Variants in GALNT18 observed in about 807,000 individuals in gnomAD.
GALNT18 encodes the protein GalNAc-transferase 18.
GALNT18 carries 44 observed loss-of-function variants against 69.5 expected under a neutral mutation model. The observed-to-expected ratio is 0.63, with a 90% CI of 0.50 to 0.81. The LOEUF (loss-of-function observed/expected upper bound fraction) is 0.81. GALNT18 is among the 40% of genes least tolerant of loss of function. The pLI, the probability that GALNT18 is intolerant of heterozygous loss-of-function variation, is 0.00. For missense variants in GALNT18, 715 were observed against 810.0 expected (o/e 0.88, Z 1.42); for synonymous variants, 364 against 318.2 (o/e 1.14, Z -1.53).
In GALNT18 at chr11:11,318,230, C is replaced by T. The variant is rs1014367037; in HGVS notation, c.1512+8856G>A. ...AGGTGAACTGGGTTGGATTGTGTCA[C>T]CCCAAAATTCATATGTTAAAGTCCT... On this transcript the variant is annotated intron_variant, in intron 9 of 10. Coordinates refer to ENST00000227756, the MANE Select transcript of GALNT18 (RefSeq NM_198516.3). This position sits in a 1 kb window ranked among gnomAD's most constrained non-coding sequence, Gnocchi z 5.1. 6.6e-6 allele frequency among the ~76,000 whole-genome samples: 1 copy of T among 152,120 alleles called. No individual in the cohort carries two copies. The highest frequency in any genetic ancestry group is 2.4e-5 in the African/African-American group (1 of 41,400).
chr11:11,399,910 AT>A (rs1854421941), intron 3 of GALNT18, among the ~76,000 whole-genome samples: 1 of 152,238 alleles, frequency 6.6e-6, no homozygotes, highest in Non-Finnish European at 1.5e-5. Context: ...TTTTACATGC[AT>A]TATCCAATTT....
In GALNT18 at chr11:11,385,691, T is replaced by C. The variant is rs923804997; in HGVS notation, c.596-6427A>G. On this transcript the variant is annotated intron_variant, in intron 3 of 10. Coordinates refer to ENST00000227756, the MANE Select transcript of GALNT18 (RefSeq NM_198516.3). ...AGCAGGAAATGCTGTGGAGTTACCA[T>C]CTACAGAAGTAGTTGTCAATTAGGG... Among the ~76,000 whole-genome samples, 23 of 152,246 alleles carry C rather than the reference T, an allele frequency of 1.5e-4. 1 individual carries two copies. The highest frequency in any genetic ancestry group is 1.5e-3 in the South Asian group (7 of 4,816).
intron 6 of GALNT18, among the ~76,000 whole-genome samples, chr11:11,363,368 G>A (rs1850684742): frequency 6.6e-6 from 1 of 152,142 alleles, no homozygotes; most frequent in South Asian, 2.1e-4. Context: ...AACACTTCTA[G>A]ATAAGTGTGG....
chr11:11,532,088 A>AT (rs2133943413), intron 1 of GALNT18, among the ~76,000 whole-genome samples: 1 of 152,158 alleles, frequency 6.6e-6, no homozygotes, highest in Admixed American at 6.5e-5. Flanking sequence ...CAAGTGCCCC[A>AT]TTTTCTCCCA....
At chr11:11,565,095 T>G (rs1297398468) in intron 1 of GALNT18, among the ~76,000 whole-genome samples, 1 of 152,222 alleles carries the variant, frequency 6.6e-6, no homozygotes, top group African/African-American at 2.4e-5. Context: ...AACCACCAGC[T>G]CCCAGTATGT....
chr11:11,281,185 C>T (rs16909311), intron 10 of GALNT18, among the ~76,000 whole-genome samples: 4,706 of 152,218 alleles, frequency 0.031, 263 homozygotes, highest in African/African-American at 0.11. Flanking sequence ...TTGGCGTTTC[C>T]GGAGCCAGGT....
At position 11,448,731 on chromosome 11, in the gene GALNT18, T is replaced by C; in HGVS notation, c.428+13A>G. The C allele has an allele frequency of 6.2e-7, 1 of 1,602,994 alleles. No individual in the cohort carries two copies. The highest frequency in any genetic ancestry group is 8.5e-7 in the Non-Finnish European group (1 of 1,173,822). The stretch of plus-strand genomic sequence containing the variant: ...GGCAGGTCGACAAGGGCCCAGTCAC[T>C]GACTCTGCTCACCCACTGGGTCTGA... On this transcript the variant is annotated intron_variant, in intron 2 of 10. Coordinates refer to ENST00000227756, the MANE Select transcript of GALNT18 (RefSeq NM_198516.3).
intron 2 of GALNT18, among the ~76,000 whole-genome samples, chr11:11,438,004 G>C (rs541558147): frequency 1.3e-3 from 192 of 152,230 alleles, no homozygotes; most frequent in Non-Finnish European, 1.8e-3. Context: ...CTCCTCTCTC[G>C]GCTGTAGTCA....
intron 10 of GALNT18, among the ~76,000 whole-genome samples, chr11:11,279,392 C>G (rs1475491716): frequency 6.6e-6 from 1 of 152,120 alleles, no homozygotes; most frequent in African/African-American, 2.4e-5. Context: ...GCAGTACCTA[C>G]TATAGTTAAC....
At chr11:11,580,470 C>T (rs1375660938) in intron 1 of GALNT18, among the ~76,000 whole-genome samples, 5 of 152,220 alleles carry the variant, frequency 3.3e-5, no homozygotes, top group South Asian at 2.1e-4. Context: ...CCCTCCCTTC[C>T]GCATCCTGCT....
intron 8 of GALNT18, 21 bp from the exon 9 acceptor site, chr11:11,327,202 G>A (rs1382416732): frequency 4.6e-6 from 7 of 1,531,780 alleles, no homozygotes; most frequent in Non-Finnish European, 6.3e-6. Flanking sequence ...GAGAACAGAT[G>A]GCCACACCAA....
chr11:11,514,841 G>T (rs1394816739), intron 1 of GALNT18, among the ~76,000 whole-genome samples: 3 of 152,280 alleles, frequency 2.0e-5, no homozygotes. Flanking sequence ...CCAAGAGTGA[G>T]GGCAAGTGAA....
Position 11,359,279 on chromosome 11 carries a change from T to C in GALNT18, c.1092+13236A>G, listed in dbSNP as rs1264482057. Among the ~76,000 whole-genome samples the C allele has an allele frequency of 7.1e-5, 10 of 141,184 alleles. 2 individuals carry two copies. Among genetic ancestry groups the C allele is most frequent in the Non-Finnish European group, 1.3e-4 (8 of 63,004 alleles). 92.6% of individuals were successfully genotyped at this position (141,184 alleles called of 152,430 possible). A position where few individuals can be genotyped will look rare whatever the true frequency, so the allele number is the denominator to read the frequency against. ...TGGGGAGAACCACATACCCAGTCTA[T>C]CATGTGCTTCAATAACACACATTAA... On this transcript the variant is annotated intron_variant, in intron 6 of 10. Coordinates refer to ENST00000227756, the MANE Select transcript of GALNT18 (RefSeq NM_198516.3).
At chr11:11,296,326 T>A (rs1849400658) in intron 9 of GALNT18, among the ~76,000 whole-genome samples, 1 of 152,204 alleles carries the variant, frequency 6.6e-6, no homozygotes, top group South Asian at 2.1e-4. Context: ...CCAGAAAGAC[T>A]GCCCTGAATA....
rs1053259422 is a variant in GALNT18, at chr11:11,298,465, G to C, written c.1513-5272C>G. Among the ~76,000 whole-genome samples the C allele has an allele frequency of 3.3e-5, 5 of 152,264 alleles. No homozygotes were observed. The South Asian group carries it at 1.0e-3, about 32-fold the overall frequency. Reference sequence around the variant, plus strand: ...CAAGGCTGAGTTCTGGCAGCTCAGGGCCTGTGGCCCCTTACCCATTCCTTG... The same window carrying C: ...CAAGGCTGAGTTCTGGCAGCTCAGGCCCTGTGGCCCCTTACCCATTCCTTG... On this transcript the variant is annotated intron_variant, in intron 9 of 10. Coordinates refer to ENST00000227756, the MANE Select transcript of GALNT18 (RefSeq NM_198516.3).
intron 3 of GALNT18, among the ~76,000 whole-genome samples, chr11:11,419,071 G>C (rs11021842): frequency 1.8e-3 from 278 of 151,828 alleles, no homozygotes; most frequent in Non-Finnish European, 3.4e-3. Context: ...TATGGGCACC[G>C]GCGATGGAAA....
At chr11:11,486,560 A>G (rs1013145873) in intron 1 of GALNT18, among the ~76,000 whole-genome samples, 1 of 152,256 alleles carries the variant, frequency 6.6e-6, no homozygotes, top group African/African-American at 2.4e-5. Flanking sequence ...CCTCACCTGG[A>G]AAGTGCTGAT....
Position 11,375,076 on chromosome 11 carries a change from G to A in GALNT18, c.977+2106C>T, listed in dbSNP as rs145156303. Among the ~76,000 whole-genome samples, 784 of 152,314 alleles carry A rather than the reference G, an allele frequency of 5.1e-3. 9 individuals are homozygous for A. In the Middle Eastern group the frequency reaches 0.054, roughly 11 times the overall value. On this transcript the variant is annotated intron_variant, in intron 5 of 10. Transcript: ENST00000227756. ...GTCACCTGGCGACTTAGGGAACAGCGATCACAAAGACATCCCTTTAGAATA... is the reference window on the plus strand; with the variant it reads ...GTCACCTGGCGACTTAGGGAACAGCAATCACAAAGACATCCCTTTAGAATA...
intron 2 of GALNT18, among the ~76,000 whole-genome samples, chr11:11,433,762 C>T (rs1314288259): frequency 6.6e-6 from 1 of 152,166 alleles, no homozygotes; most frequent in East Asian, 1.9e-4. Context: ...TGCTGGTGCC[C>T]TTCCCTGCCT....
Sources: allele counts gnomAD v4.1 joint callset (sites outside exome capture counted in the v4.1 genomes callset), GRCh38; gene constraint gnomAD v4.1.1; non-coding constraint Gnocchi (gnomAD v3.1); transcripts MANE v1.5; gene names NCBI Gene and HGNC (gene_info 2026-07-23, HGNC 2026-07-21).